The following DPP10 variants were observed in gnomAD, a reference collection of about 807,000 sequenced individuals.
DPP10 encodes the protein inactive dipeptidyl peptidase 10.
A neutral mutation model predicts 120.9 loss-of-function variants in DPP10; 33 were observed. The observed-to-expected ratio is 0.27, with a 90% CI of 0.21 to 0.37. The LOEUF is 0.37. DPP10 is among the 10% of genes least tolerant of loss of function. The pLI, the probability that DPP10 is intolerant of heterozygous loss-of-function variation, is 1.00. For synonymous variants in DPP10, 337 were observed against 326.1 expected, an observed-to-expected ratio of 1.03 and a Z score of -0.36; for missense variants, 816 against 942.8, an observed-to-expected ratio of 0.87 and a Z score of 1.76.
At chr2:115,513,599 A>C (rs2077347501) in intron 4 of DPP10, among the ~76,000 whole-genome samples, 2 of 152,016 alleles carry the variant, frequency 1.3e-5, no homozygotes, top group African/African-American at 4.8e-5. Flanking sequence ...TTTAGAAAAA[A>C]TTTGTTCAGA....
At position 115,768,060 on chromosome 2, in the gene DPP10, C is replaced by G. The variant is rs182252916; in HGVS notation, c.1114-237C>G. 3.2e-3 allele frequency among the ~76,000 whole-genome samples: 491 copies of G among 152,230 alleles called. 3 individuals carry two copies. Among genetic ancestry groups the G allele is most frequent in the Non-Finnish European group, 5.1e-3 (346 of 68,008 alleles). On this transcript the variant is annotated intron_variant, in intron 12 of 25. Coordinates refer to ENST00000410059, the MANE Select transcript of DPP10 (RefSeq NM_020868.6). ...CTGATAATAAATCATTCATATCCACCATGCACAAATTTCTCCTATCCTTCC... is the reference window on the plus strand; with the variant it reads ...CTGATAATAAATCATTCATATCCACGATGCACAAATTTCTCCTATCCTTCC...
chr2:114,616,368 T>A (rs192017248), intron 1 of DPP10, among the ~76,000 whole-genome samples: 2 of 152,122 alleles, frequency 1.3e-5, no homozygotes, highest in Non-Finnish European at 2.9e-5. Flanking sequence ...TGAAGAGTCA[T>A]GGGAAGTTTC....
At chr2:115,746,411 A>C (rs781644084) in intron 10 of DPP10, among the ~76,000 whole-genome samples, 23 of 152,182 alleles carry the variant, frequency 1.5e-4, no homozygotes, top group Non-Finnish European at 2.9e-4. Context: ...GAAGAGGCTG[A>C]TACTGAGAAT....
At chr2:114,493,553 T>C (rs540893004) in intron 1 of DPP10, among the ~76,000 whole-genome samples, 2 of 152,070 alleles carry the variant, frequency 1.3e-5, no homozygotes, top group African/African-American at 2.4e-5. Context: ...AGAAATCTCA[T>C]GTAGGACGTG....
intron 1 of DPP10, among the ~76,000 whole-genome samples, chr2:115,264,176 T>C (rs556584134): frequency 1.3e-4 from 20 of 152,336 alleles, no homozygotes; most frequent in African/African-American, 4.8e-4. Flanking sequence ...CATATTCTTA[T>C]AATCTGAGTT....
At chr2:114,952,342 C>T (rs1014644173) in intron 1 of DPP10, among the ~76,000 whole-genome samples, 1 of 152,032 alleles carries the variant, frequency 6.6e-6, no homozygotes, top group Non-Finnish European at 1.5e-5. Context: ...AATGCTTTCC[C>T]ATGCAAACAA....
At chr2:115,795,609 T>C (rs1270870346) in intron 19 of DPP10, among the ~76,000 whole-genome samples, 1 of 152,148 alleles carries the variant, frequency 6.6e-6, no homozygotes, top group Admixed American at 6.6e-5. Flanking sequence ...CAGAATCCTA[T>C]AATTGGGTCA....
intron 1 of DPP10, among the ~76,000 whole-genome samples, chr2:114,594,197 C>T (rs1050310880): frequency 6.6e-6 from 1 of 151,928 alleles, no homozygotes; most frequent in Non-Finnish European, 1.5e-5. Flanking sequence ...ACTGTTCTAG[C>T]CTCCCAGCAT....
At chr2:114,512,244 T>G (rs991596725) in intron 1 of DPP10, among the ~76,000 whole-genome samples, 2 of 152,178 alleles carry the variant, frequency 1.3e-5, no homozygotes, top group African/African-American at 4.8e-5. Flanking sequence ...GACCACGGTG[T>G]CAGCCTTGTT....
At chr2:115,622,104 T>C (rs2149284822) in intron 5 of DPP10, among the ~76,000 whole-genome samples, 1 of 152,262 alleles carries the variant, frequency 6.6e-6, no homozygotes, top group Non-Finnish European at 1.5e-5. Context: ...CCTAATCTTG[T>C]TATAGAACAT....
intron 1 of DPP10, among the ~76,000 whole-genome samples, chr2:115,218,043 G>A (rs1391889358): frequency 6.6e-6 from 1 of 152,150 alleles, no homozygotes; most frequent in Non-Finnish European, 1.5e-5. Flanking sequence ...CATGGTTTCA[G>A]TGTCTCAATT....
At chr2:114,694,830 A>G (rs1207263102) in intron 1 of DPP10, among the ~76,000 whole-genome samples, 2 of 151,998 alleles carry the variant, frequency 1.3e-5, no homozygotes, top group Admixed American at 6.6e-5. Context: ...AGACTGGTAA[A>G]GTGAGCCAGG....
chr2:115,198,971 G>A (rs2105281678), intron 1 of DPP10, among the ~76,000 whole-genome samples: 1 of 152,068 alleles, frequency 6.6e-6, no homozygotes, highest in African/African-American at 2.4e-5. Context: ...CAAATTTCTA[G>A]ATTTATTTCT....
intron 5 of DPP10, among the ~76,000 whole-genome samples, chr2:115,630,223 T>C (rs577199527): frequency 4.8e-4 from 73 of 152,108 alleles, no homozygotes; most frequent in Non-Finnish European, 9.9e-4. Flanking sequence ...TATTAGTGTA[T>C]AGGAAAGTTT....
At chr2:115,358,969 C>A (rs569973742) in intron 3 of DPP10, among the ~76,000 whole-genome samples, 3 of 152,132 alleles carry the variant, frequency 2.0e-5, no homozygotes, top group Non-Finnish European at 4.4e-5. Flanking sequence ...GGATCCCTCC[C>A]GTGGCACATG....
At chr2:115,509,360 A>G (rs1482599550) in intron 4 of DPP10, among the ~76,000 whole-genome samples, 1 of 152,174 alleles carries the variant, frequency 6.6e-6, no homozygotes, top group African/African-American at 2.4e-5. Context: ...AGAATGATGT[A>G]TCAGGGATAA....
chr2:115,375,359 A>G (rs1312073490), intron 3 of DPP10, among the ~76,000 whole-genome samples: 1 of 152,204 alleles, frequency 6.6e-6, no homozygotes, highest in African/African-American at 2.4e-5. Flanking sequence ...TCCAGTAACC[A>G]GTAAGTTCCT....
chr2:115,151,899 T>C (rs17044138), intron 1 of DPP10, among the ~76,000 whole-genome samples: 8,454 of 152,056 alleles, frequency 0.056, 341 homozygotes, highest in East Asian at 0.23. Context: ...TTTAAAGTGT[T>C]ATTTTTGTAC....
chr2:115,008,286 T>C (rs62164472), intron 1 of DPP10, among the ~76,000 whole-genome samples: 240 of 91,718 alleles, frequency 2.6e-3, no homozygotes, highest in Non-Finnish European at 4.2e-3. Flanking sequence ...TATCTACAAC[T>C]ATCTGATCTT....
Sources: allele counts gnomAD v4.1 joint callset (sites outside exome capture counted in the v4.1 genomes callset), GRCh38; gene constraint gnomAD v4.1.1; transcripts MANE v1.5; gene names NCBI Gene and HGNC (gene_info 2026-07-23, HGNC 2026-07-21).